SMG1: variants seen among roughly 807,000 people sequenced by gnomAD.
The protein encoded by SMG1 is SMG1 nonsense mediated mRNA decay associated PI3K related kinase, also known as serine/threonine-protein kinase SMG1.
SMG1 carries 22 observed loss-of-function variants against 419.9 expected under a neutral mutation model. The ratio of observed to expected loss-of-function variants is 0.05; its 90% CI spans 0.04 to 0.07. The LOEUF (loss-of-function observed/expected upper bound fraction) is 0.07, where lower values mean the gene tolerates loss of function less well. SMG1 is among the 10% of genes least tolerant of loss of function. The pLI, the probability that SMG1 is intolerant of heterozygous loss-of-function variation, is 1.00. For missense variants in SMG1, 3,185 were observed against 4,342.0 expected, an observed-to-expected ratio of 0.73 and a Z score of 7.49; for synonymous variants, 1,538 against 1,553.5, an observed-to-expected ratio of 0.99 and a Z score of 0.23.
At chr16:18,859,362 C>T in intron 27 of SMG1, 181 bp from the exon 28 acceptor site, 2 of 686,160 alleles carry the variant, frequency 2.9e-6, no homozygotes, top group Non-Finnish European at 2.4e-6. Flanking sequence ...GGGATTTTTA[C>T]ATTTTATTTC....
chr16:18,842,055 G>A (rs1402624681), intron 40 of SMG1, among the ~76,000 whole-genome samples, 153 bp downstream of exon 40: 2 of 152,138 alleles, frequency 1.3e-5, no homozygotes, highest in Non-Finnish European at 1.5e-5. Context: ...AATCACTGCC[G>A]TTCAAAAGCA....
At chr16:18,858,786 C>T (rs1398051690) in intron 28 of SMG1, 4 of 399,512 alleles carry the variant, frequency 1.0e-5, no homozygotes, top group African/African-American at 6.3e-5. Flanking sequence ...CCTCCCACCC[C>T]GAAATTAGAA....
rs910718552 is a variant in SMG1 at position 18,829,295 on chromosome 16, G to A, written c.9594C>T (p.Ala3198=). ...AAACAAAAACACTTACCTGAAACAT[G>A]GCAATATGCAGCTGAACCCGCTGCA... ...TSLQRVQLHI[A]MFQWQHEDLL... The change falls in exon 54 of 63, where the codon GCC becomes GCT. Residue 3198 remains alanine, a synonymous_variant. Transcript: ENST00000446231. 1.9e-6 allele frequency: 3 copies of A among 1,609,862 alleles called. No individual in the cohort carries two copies. The highest frequency in any genetic ancestry group is 2.5e-6 in the Non-Finnish European group (3 of 1,176,834).
intron 1 of SMG1, among the ~76,000 whole-genome samples, chr16:18,923,642 A>C (rs1045164949): frequency 1.6e-5 from 2 of 124,440 alleles, no homozygotes; most frequent in African/African-American, 7.0e-5. Context: ...CTCAGGAAGG[A>C]AAAAAAAAAG....
At position 18,815,472 on chromosome 16, in the gene SMG1, G is replaced by T; in HGVS notation, c.10482C>A (p.Pro3494=). 6.2e-7 allele frequency: 1 copy of T among 1,613,944 alleles called. No homozygotes were observed. The highest frequency in any genetic ancestry group is 8.5e-7 in the Non-Finnish European group (1 of 1,179,862). Residue 3494 remains proline (P), a synonymous_variant, in exon 59 of 63, where the codon CCC becomes CCA. Transcript: ENST00000446231. The part of the protein sequence containing the change: ...EHVEMLQEIT[P]TLKELKTQSQ... ...TTTGTGTTTTCAGTTCTTTCAAGGT[G>T]GGAGTGATTTCCTGGAGCATTTCAA...
In SMG1 at chr16:18,870,187, A is replaced by G. The variant is rs182912963; in HGVS notation, c.2493-193T>C. 3.9e-5 allele frequency among the ~76,000 whole-genome samples: 6 copies of G among 152,336 alleles called. No homozygotes were observed. In the East Asian group the frequency reaches 1.2e-3, roughly 29 times the overall value. On this transcript the variant is annotated intron_variant, in intron 18 of 62. Transcript: ENST00000446231. ...TTCACCTCAGATGGGTAATGTGCTGACATCATAAGAGGATTTGAGGGAGGC... is the reference window on the plus strand; with the variant it reads ...TTCACCTCAGATGGGTAATGTGCTGGCATCATAAGAGGATTTGAGGGAGGC...
At chr16:18,888,478 CTTTT>C (rs142087294) in intron 6 of SMG1, among the ~76,000 whole-genome samples, 3 of 140,136 alleles carry the variant, frequency 2.1e-5, no homozygotes, top group Non-Finnish European at 4.6e-5. Flanking sequence ...GAAAAAAATC[CTTTT>C]TTTTTTTTTT....
In SMG1 at chr16:18,812,027, T is replaced by C. The variant is rs773274029; in HGVS notation, c.10722A>G (p.Pro3574=). The stretch of plus-strand genomic sequence containing the variant: ...TGCCAGTTCCTGGAACGGTGCTTGG[T>C]GGAGTATCAGCTGATGTAGCAAGAT... The part of the protein sequence containing the change: ...QKNLATSADT[P]PSTVPGTGKS... Residue 3574 remains proline, a synonymous_variant, in exon 61 of 63, where the codon CCA becomes CCG. Transcript: ENST00000446231. The C allele has an allele frequency of 4.3e-6, 7 of 1,613,920 alleles. No individual in the cohort carries two copies. The Admixed American group carries it at 1.2e-4, about 27-fold the overall frequency.
Position 18,811,970 on chromosome 16 carries a change from G to A in SMG1, c.10779C>T (p.Val3593=), listed in dbSNP as rs753447842. 6.2e-7 allele frequency: 1 copy of A among 1,613,850 alleles called. No homozygotes were observed. The highest frequency in any genetic ancestry group is 2.2e-5 in the East Asian group (1 of 44,880). The change falls in exon 61 of 63, where the codon GTC becomes GTT. Residue 3593 remains valine, a synonymous_variant. Transcript: ENST00000446231. The part of the protein sequence containing the change: ...KSVACSPKKA[V]RDPKTGKAVQ... ...TACCTTTCCCAGTTTTAGGGTCTCT[G>A]ACTGCCTTTTTAGGACTACAAGCAA...
At chr16:18,862,059 C>T (rs1278805577) in intron 25 of SMG1, among the ~76,000 whole-genome samples, 1 of 152,170 alleles carries the variant, frequency 6.6e-6, no homozygotes, top group Non-Finnish European at 1.5e-5. Context: ...TTCCTATCCT[C>T]GACTTCAAGA....
intron 13 of SMG1, among the ~76,000 whole-genome samples, chr16:18,874,438 C>T (rs2035992120): frequency 2.6e-5 from 4 of 151,646 alleles, no homozygotes; most frequent in Admixed American, 2.0e-4. Context: ...CGTGCCCAGC[C>T]CACACCTATT....
At chr16:18,889,011 A>G (rs1251101346) in intron 6 of SMG1, among the ~76,000 whole-genome samples, 1 of 151,104 alleles carries the variant, frequency 6.6e-6, no homozygotes, top group Non-Finnish European at 1.5e-5. Context: ...TTTTTAGTAG[A>G]TATGGGGTTT....
chr16:18,922,790 T>C (rs2038245699), intron 1 of SMG1, among the ~76,000 whole-genome samples: 1 of 151,930 alleles, frequency 6.6e-6, no homozygotes, highest in Non-Finnish European at 1.5e-5. Context: ...TGCTTAACCA[T>C]TCTTAAATGT....
At chr16:18,891,528 T>C (rs189070590) in intron 4 of SMG1, among the ~76,000 whole-genome samples, 57 of 152,084 alleles carry the variant, frequency 3.7e-4, no homozygotes, top group African/African-American at 1.3e-3. Context: ...CTCCGTTTCC[T>C]GGGTTCAAGC....
In SMG1 at chr16:18,891,635, T is replaced by C. The variant is rs764855033; in HGVS notation, c.549+583A>G. ...TTTTAGTAGAGATGGGGCTTCACTA[T>C]GTTGGGCAGGCTGGTATCGAACTCC... On this transcript the variant is annotated intron_variant, in intron 4 of 62. Transcript: ENST00000446231. Among the ~76,000 whole-genome samples, 4 of 152,104 alleles carry C rather than the reference T, an allele frequency of 2.6e-5. No homozygotes were observed. The East Asian group carries it at 7.7e-4, about 29-fold the overall frequency.
intron 56 of SMG1, among the ~76,000 whole-genome samples, chr16:18,818,975 C>A (rs1170928812): frequency 6.6e-6 from 1 of 152,112 alleles, no homozygotes. Context: ...CACCACCACA[C>A]CCAGCTAATT....
chr16:18,874,887 A>G (rs1269182981), intron 13 of SMG1, among the ~76,000 whole-genome samples: 1 of 92,454 alleles, frequency 1.1e-5, no homozygotes, highest in East Asian at 3.1e-4. Flanking sequence ...AAAAAAAAAA[A>G]AAAAAAAAAA....
At chr16:18,821,221 C>CTTTTTTTTTTTTT (rs869238782) in intron 55 of SMG1, among the ~76,000 whole-genome samples, 77 of 35,606 alleles carry the variant, frequency 2.2e-3, no homozygotes, top group East Asian at 4.2e-3. Flanking sequence ...TAGTATGTTT[C>CTTTTTTTTTTTTT]TTTTTTTTTT....
intron 56 of SMG1, among the ~76,000 whole-genome samples, chr16:18,817,880 T>C (rs1368854564): frequency 6.6e-6 from 1 of 152,064 alleles, no homozygotes; most frequent in Non-Finnish European, 1.5e-5. Context: ...ATTTTAAAGG[T>C]ATGATTAATA....
Sources: allele counts gnomAD v4.1 joint callset (sites outside exome capture counted in the v4.1 genomes callset), GRCh38; gene constraint gnomAD v4.1.1; transcripts MANE v1.5; gene names NCBI Gene and HGNC (gene_info 2026-07-23, HGNC 2026-07-21).